Variants in KIAA1328 observed in about 807,000 individuals in gnomAD.
The protein encoded by KIAA1328 is protein hinderin.
A neutral mutation model predicts 68.1 loss-of-function variants in KIAA1328; 52 were observed. The ratio of observed to expected loss-of-function variants is 0.76; its 90% CI spans 0.61 to 0.96. KIAA1328 has a LOEUF of 0.96. Among genes scored for constraint, KIAA1328 ranks in the 40% least tolerant of loss-of-function variants. KIAA1328 has a pLI of 0.00. For missense variants in KIAA1328, 641 were observed against 677.6 expected, an observed-to-expected ratio of 0.95 and a Z score of 0.60; for synonymous variants, 232 against 239.4, an observed-to-expected ratio of 0.97 and a Z score of 0.28.
intron 9 of KIAA1328, among the ~76,000 whole-genome samples, chr18:37,196,287 G>A (rs192233511): frequency 6.6e-5 from 10 of 152,094 alleles, no homozygotes; most frequent in Admixed American, 1.3e-4. Context: ...TATTTCTCTT[G>A]TCTAATTGCT....
chr18:37,008,630 T>C (rs1002248534), intron 6 of KIAA1328, among the ~76,000 whole-genome samples: 3 of 152,222 alleles, frequency 2.0e-5, no homozygotes, highest in Admixed American at 2.0e-4. Flanking sequence ...GCAGCTATTA[T>C]AGCAGTTATC....
At chr18:36,943,735 A>G (rs956452613) in intron 5 of KIAA1328, among the ~76,000 whole-genome samples, 1 of 152,224 alleles carries the variant, frequency 6.6e-6, no homozygotes, top group Non-Finnish European at 1.5e-5. Flanking sequence ...GATGGATAAC[A>G]TAGTCCTTAA....
chr18:37,168,937 T>C (rs2059441563), intron 8 of KIAA1328, among the ~76,000 whole-genome samples: 1 of 149,092 alleles, frequency 6.7e-6, no homozygotes, highest in Admixed American at 6.8e-5. Flanking sequence ...TTCTTAAACA[T>C]TGAACTCTAA....
At chr18:37,187,765 TG>T (rs1226846645) in intron 9 of KIAA1328, among the ~76,000 whole-genome samples, 1 of 152,180 alleles carries the variant, frequency 6.6e-6, no homozygotes, top group Non-Finnish European at 1.5e-5. Context: ...AGAGCCAAGA[TG>T]GAAGCCAATC....
At chr18:37,021,784 T>C (rs1398687042) in intron 6 of KIAA1328, among the ~76,000 whole-genome samples, 1 of 150,478 alleles carries the variant, frequency 6.6e-6, no homozygotes, top group Admixed American at 6.7e-5. Flanking sequence ...CCAAAAAAAA[T>C]ACCCAGCACT....
rs1005078440 is a variant in KIAA1328 at position 37,131,855 on chromosome 18, T to G, written c.1233-28345T>G. 2.0e-5 allele frequency among the ~76,000 whole-genome samples: 3 copies of G among 152,190 alleles called. No individual in the cohort carries two copies. The East Asian group carries it at 5.8e-4, about 29-fold the overall frequency. ...TTTATCCTTATTCATACTCTGAGGC[T>G]TTTCATACTGTTGGAGGGTTCTGGG... On this transcript the variant is annotated intron_variant, in intron 7 of 9. Transcript: ENST00000280020.
At chr18:37,045,046 A>C (rs990002744) in intron 6 of KIAA1328, among the ~76,000 whole-genome samples, 7 of 152,266 alleles carry the variant, frequency 4.6e-5, no homozygotes, top group African/African-American at 1.7e-4. Context: ...ATATTACCAG[A>C]TTTGGAAGAT....
intron 6 of KIAA1328, among the ~76,000 whole-genome samples, chr18:36,965,287 ACTTGTTCCATATTT>A (rs2051872698): frequency 1.3e-5 from 2 of 151,796 alleles, no homozygotes; most frequent in Non-Finnish European, 2.9e-5. Context: ...CCCTGTGATT[ACTTGTTCCATATTT>A]CTTAGTAGGT....
chr18:36,991,696 T>C (rs892271514), intron 6 of KIAA1328, among the ~76,000 whole-genome samples: 2 of 152,204 alleles, frequency 1.3e-5, no homozygotes, highest in Admixed American at 1.3e-4. Flanking sequence ...GTCATACTTA[T>C]GTGGCTACAT....
intron 4 of KIAA1328, among the ~76,000 whole-genome samples, chr18:36,869,664 G>A (rs1490062339): frequency 6.6e-6 from 1 of 152,186 alleles, no homozygotes; most frequent in Non-Finnish European, 1.5e-5. Flanking sequence ...TTATATGCCT[G>A]TTGTAGTGAA....
intron 5 of KIAA1328, among the ~76,000 whole-genome samples, chr18:36,892,201 A>G (rs2048713445): frequency 1.3e-5 from 2 of 150,412 alleles, no homozygotes; most frequent in African/African-American, 4.9e-5. Context: ...GTGGTATGTC[A>G]GGAGAGGTAG....
intron 6 of KIAA1328, among the ~76,000 whole-genome samples, chr18:36,992,935 C>T (rs2053246807): frequency 6.6e-6 from 1 of 152,058 alleles, no homozygotes; most frequent in South Asian, 2.1e-4. Context: ...GAAACCTCGT[C>T]TCTACAAAAA....
At chr18:37,026,671 C>T (rs568955017) in intron 6 of KIAA1328, among the ~76,000 whole-genome samples, 46 of 152,310 alleles carry the variant, frequency 3.0e-4, no homozygotes, top group African/African-American at 1.0e-3. Flanking sequence ...CAAAATTCAA[C>T]AGCCCTTCAT....
intron 5 of KIAA1328, among the ~76,000 whole-genome samples, chr18:36,922,333 A>G (rs1037443584): frequency 6.6e-6 from 1 of 152,148 alleles, no homozygotes; most frequent in African/African-American, 2.4e-5. Flanking sequence ...ACTTGATTCA[A>G]ACATGTCTAT....
intron 5 of KIAA1328, among the ~76,000 whole-genome samples, chr18:36,940,756 A>AC (rs2050680142): frequency 6.7e-6 from 1 of 150,234 alleles, no homozygotes; most frequent in Non-Finnish European, 1.5e-5. Flanking sequence ...GCTCACTGCA[A>AC]CCTCTGCCTC....
intron 7 of KIAA1328, among the ~76,000 whole-genome samples, chr18:37,114,696 C>T (rs2058049341): frequency 6.6e-6 from 1 of 152,108 alleles, no homozygotes; most frequent in African/African-American, 2.4e-5. Context: ...ACAAACAACC[C>T]TTTAGAAAAT....
intron 5 of KIAA1328, among the ~76,000 whole-genome samples, chr18:36,925,333 AAAG>A (rs2050072624): frequency 6.6e-6 from 1 of 152,194 alleles, no homozygotes; most frequent in Admixed American, 6.5e-5. Context: ...ATGAGCCAAG[AAAG>A]AAGAAGGGCT....
intron 6 of KIAA1328, among the ~76,000 whole-genome samples, chr18:37,023,858 G>A (rs2054447831): frequency 6.6e-6 from 1 of 152,032 alleles, no homozygotes; most frequent in Admixed American, 6.6e-5. Context: ...TTCTTACATG[G>A]GTAAATTGTA....
intron 7 of KIAA1328, among the ~76,000 whole-genome samples, chr18:37,104,821 G>A (rs1166750056): frequency 6.6e-6 from 1 of 152,022 alleles, no homozygotes; most frequent in Non-Finnish European, 1.5e-5. Context: ...TGGCAAAATT[G>A]AAAATTTTAA....
Sources: allele counts gnomAD v4.1 joint callset (sites outside exome capture counted in the v4.1 genomes callset), GRCh38; gene constraint gnomAD v4.1.1; transcripts MANE v1.5; gene names NCBI Gene and HGNC (gene_info 2026-07-23, HGNC 2026-07-21).